The following FBXO10 variants were observed in gnomAD, a reference collection of about 807,000 sequenced individuals.
FBXO10 encodes the protein F-box only protein 10.
Under a neutral mutation model 80.7 loss-of-function variants are expected in FBXO10, and 39 were observed. The observed-to-expected ratio is 0.48, with a 90% CI of 0.37 to 0.63. The LOEUF (loss-of-function observed/expected upper bound fraction) is 0.63. Ranked by LOEUF, FBXO10 falls within the 30% of genes least tolerant of loss-of-function variation. The pLI is 0.00. For synonymous variants in FBXO10, 449 were observed against 489.6 expected (o/e 0.92, Z 1.09); for missense variants, 1,025 against 1,269.0 (o/e 0.81, Z 2.92).
chr9:37,518,109 A>G lies in FBXO10; in HGVS notation c.2514+16T>C, dbSNP rs765605119. 1.2e-6 allele frequency: 2 copies of G among 1,601,772 alleles called. No homozygotes were observed. The highest frequency in any genetic ancestry group is 1.7e-6 in the Non-Finnish European group (2 of 1,173,642). ...TGTGTGGGCACCACACGTCACACAC[A>G]TGCAGACATACTCACTTTAGTGTCG... On this transcript the variant is annotated intron_variant, in intron 9 of 10. Coordinates refer to ENST00000432825, the MANE Select transcript of FBXO10 (RefSeq NM_012166.3).
At chr9:37,570,909 G>A (rs1020212821) in intron 1 of FBXO10, among the ~76,000 whole-genome samples, 1 of 151,464 alleles carries the variant, frequency 6.6e-6, no homozygotes, top group Non-Finnish European at 1.5e-5. Context: ...CAGGAGAATC[G>A]CTTGAAACCG....
At chr9:37,557,262 T>C (rs1329123799) in intron 1 of FBXO10, among the ~76,000 whole-genome samples, 1 of 152,122 alleles carries the variant, frequency 6.6e-6, no homozygotes, top group African/African-American at 2.4e-5. Flanking sequence ...AACCCTTTTA[T>C]ATTGAACTCT....
chr9:37,528,355 A>T (rs534201333), intron 5 of FBXO10, among the ~76,000 whole-genome samples: 1 of 152,316 alleles, frequency 6.6e-6, no homozygotes, highest in African/African-American at 2.4e-5. Flanking sequence ...AATTTAAAAT[A>T]TTCTATAGCA....
rs768777612 is a variant in FBXO10 at position 37,521,731 on chromosome 9, C to T, written c.2038G>A (p.Asp680Asn). 3 of 1,613,900 alleles carry T rather than the reference C, an allele frequency of 1.9e-6. No homozygotes were observed. The East Asian group carries it at 6.7e-5, about 36-fold the overall frequency. ...CCTCGAGGTAACTCGCTGGAGCCAT[C>T]CTTCTGGCTAAATACTGCCACTCCA... is the stretch of plus-strand genomic sequence containing the variant. ...LYGVAVFSQK[D>N]GSSELPRGHR... Residue 680 changes from aspartate (D) to asparagine (N), a missense_variant, in exon 8 of 11, where the codon GAT (aspartate) becomes AAT (asparagine). This residue lies in a region of FBXO10 where 478 missense variants were observed against 667.8 expected (regional missense o/e 0.72). Coordinates refer to ENST00000432825, the MANE Select transcript of FBXO10 (RefSeq NM_012166.3).
chr9:37,536,999 T>G, intron 3 of FBXO10, 111 bp downstream of exon 3: 1 of 767,978 alleles, frequency 1.3e-6, no homozygotes, highest in Non-Finnish European at 2.1e-6. Context: ...ACGTCAAGCG[T>G]GCGTGAATAA....
At chr9:37,567,132 TTTTTTTTC>T (rs1351301026) in intron 1 of FBXO10, among the ~76,000 whole-genome samples, 5 of 150,696 alleles carry the variant, frequency 3.3e-5, no homozygotes, top group Non-Finnish European at 5.9e-5. Flanking sequence ...TACATGTCTT[TTTTTTTTC>T]TTTTTTTCTT....
At chr9:37,519,633 AT>A (rs1821276499) in intron 8 of FBXO10, among the ~76,000 whole-genome samples, 2 of 152,096 alleles carry the variant, frequency 1.3e-5, no homozygotes, top group Admixed American at 1.3e-4. Context: ...AAAAATAAGT[AT>A]TTGTGAACGT....
chr9:37,521,663 G>C lies in FBXO10; in HGVS notation c.2106C>G (p.Ile702Met). 1 of 1,613,988 alleles carries C rather than the reference G, an allele frequency of 6.2e-7. No homozygotes were observed. The highest frequency in any genetic ancestry group is 8.5e-7 in the Non-Finnish European group (1 of 1,179,884). Residue 702 changes from isoleucine to methionine, a missense_variant, in exon 8 of 11, where the codon ATC (isoleucine) becomes ATG (methionine). Physicochemically the swap from Ile to Met is conservative, Grantham distance 10 (BLOSUM62 1). Around this residue, in one of 3 missense-constraint regions of FBXO10, gnomAD observed 478 missense variants for 667.8 expected, o/e 0.72. Coordinates refer to ENST00000432825, the MANE Select transcript of FBXO10 (RefSeq NM_012166.3). ...QENFSEDGDAILWETELEKED... is the reference protein window; with the variant it reads ...QENFSEDGDAMLWETELEKED... Reference sequence around the variant, plus strand: ...CCTTCTCCAGCTCTGTCTCCCAGAGGATGGCGTCCCCATCCTCGCTGAAGT... The same window carrying C: ...CCTTCTCCAGCTCTGTCTCCCAGAGCATGGCGTCCCCATCCTCGCTGAAGT...
intron 1 of FBXO10, among the ~76,000 whole-genome samples, chr9:37,574,312 C>A (rs1410508961): frequency 1.3e-5 from 2 of 152,210 alleles, no homozygotes; most frequent in African/African-American, 4.8e-5. Context: ...GATAGTGTAA[C>A]TGCACTGCAA....
chr9:37,528,984 T>G (rs1173916569), intron 5 of FBXO10, 140 bp downstream of exon 5: 2 of 1,147,322 alleles, frequency 1.7e-6, no homozygotes, highest in Non-Finnish European at 1.2e-6. Flanking sequence ...CAAAAGCCGC[T>G]GTGTTACTGG....
chr9:37,563,819 G>C (rs980024628), intron 1 of FBXO10, among the ~76,000 whole-genome samples: 2 of 152,232 alleles, frequency 1.3e-5, no homozygotes, highest in Non-Finnish European at 2.9e-5. Flanking sequence ...GGAATTTTAA[G>C]GTTTAATGAC....
intron 7 of FBXO10, 66 bp downstream of exon 7, chr9:37,522,759 C>T: frequency 6.6e-7 from 1 of 1,526,608 alleles, no homozygotes; most frequent in Non-Finnish European, 8.9e-7. Flanking sequence ...CTTCTCAGGA[C>T]CCACAAGCTG....
At chr9:37,529,630 G>T (rs971332110) in intron 4 of FBXO10, among the ~76,000 whole-genome samples, 1 of 152,192 alleles carries the variant, frequency 6.6e-6, no homozygotes, top group Non-Finnish European at 1.5e-5. Context: ...GCCATCTCTT[G>T]AGGAAAGGCA....
chr9:37,567,680 G>A (rs1295968902), intron 1 of FBXO10, among the ~76,000 whole-genome samples: 2 of 152,042 alleles, frequency 1.3e-5, no homozygotes, highest in East Asian at 3.9e-4. Context: ...GAACTAGGAG[G>A]CACCATGCCT....
At chr9:37,571,069 A>G (rs1822740834) in intron 1 of FBXO10, among the ~76,000 whole-genome samples, 1 of 152,168 alleles carries the variant, frequency 6.6e-6, no homozygotes. Context: ...AATATTACTT[A>G]GTTAAGAAAT....
intron 4 of FBXO10, 128 bp from the exon 5 acceptor site, chr9:37,529,388 C>T: frequency 9.9e-7 from 1 of 1,014,872 alleles, no homozygotes; most frequent in Non-Finnish European, 1.4e-6. Flanking sequence ...TGTAAGAGCC[C>T]TAGCCCGTGA....
At position 37,522,927 on chromosome 9, in the gene FBXO10, C is replaced by CA; in HGVS notation, c.1827_1828insT (p.Gly610TrpfsTer8). 6.3e-7 allele frequency: 1 copy of CA among 1,588,338 alleles called. No homozygotes were observed. The highest frequency in any genetic ancestry group is 2.3e-5 in the East Asian group (1 of 43,394). On this transcript the variant is annotated frameshift_variant, in exon 7 of 11. Transcript: ENST00000432825. LOFTEE classifies it high-confidence loss of function. ...AGGTTACTCCTGAGAACGGGGATCC[C>CA]TCCACGGCGGATGTCCACACCTCCC... is the stretch of plus-strand genomic sequence containing the variant.
At chr9:37,569,908 A>C (rs539460645) in intron 1 of FBXO10, among the ~76,000 whole-genome samples, 5 of 152,362 alleles carry the variant, frequency 3.3e-5, no homozygotes, top group African/African-American at 1.2e-4. Flanking sequence ...ATAAAGGATA[A>C]TTAGAAAATG....
intron 1 of FBXO10, among the ~76,000 whole-genome samples, chr9:37,548,249 G>T (rs1255060089): frequency 6.6e-6 from 1 of 152,102 alleles, no homozygotes; most frequent in Non-Finnish European, 1.5e-5. Context: ...TCTGGGCATG[G>T]TGGTGTGCAC....
Sources: gnomAD v4.1 joint callset for allele counts (sites outside exome capture counted in the v4.1 genomes callset) on GRCh38, gnomAD v4.1.1 for gene constraint, gnomAD v4.1.1 regional missense constraint, MANE v1.5 for transcripts, NCBI Gene and HGNC (gene_info 2026-07-23, HGNC 2026-07-21) for gene names.